The following ACE variants were observed in gnomAD, a reference collection of about 807,000 sequenced individuals.
ACE encodes the protein angiotensin-converting enzyme.
ACE carries 122 observed loss-of-function variants against 162.3 expected under a neutral mutation model. The ratio of observed to expected loss-of-function variants is 0.75; its 90% CI spans 0.65 to 0.87. ACE has a LOEUF of 0.87. ACE is among the 40% of genes least tolerant of loss of function. The pLI is 0.00. For missense variants in ACE, 1,799 were observed against 1,735.1 expected (o/e 1.04, Z -0.65); for synonymous variants, 796 against 720.6 (o/e 1.10, Z -1.68).
rs4364 is a variant in ACE at position 63,497,301 on chromosome 17, C to A, written c.3856C>A (p.Arg1286Ser). 6.3e-3 allele frequency: 9,837 copies of A among 1,550,850 alleles called. 526 individuals are homozygous for A. In the African/African-American group the frequency reaches 0.12, roughly 19 times the overall value. ...LSQRLFSIRHRSLHRHSHGPQ... is the reference protein window; with the variant it reads ...LSQRLFSIRHSSLHRHSHGPQ... ...CCAGCGGCTCTTCAGCATCCGCCAC[C>A]GCAGCCTCCACCGGCACTCCCACGG... Residue 1286 changes from arginine to serine, a missense_variant, in exon 25 of 25, where the codon CGC becomes AGC. By Grantham distance (110) the Arg-to-Ser change is moderately radical. Transcript: ENST00000290866.
chr17:63,496,834 G>C lies in ACE; in HGVS notation c.3540G>C (p.Pro1180=). The change falls in exon 24 of 25, where the codon CCG becomes CCC. Residue 1180 remains proline (P), a synonymous_variant. Coordinates refer to ENST00000290866, the MANE Select transcript of ACE (RefSeq NM_000789.4). The part of the protein sequence containing the change: ...AMKLGFSRPW[P]EAMQLITGQP... The stretch of plus-strand genomic sequence containing the variant: ...AGCTGGGCTTCAGTAGGCCGTGGCC[G>C]GAAGCCATGCAGCTGATCACGGGCC... The C allele has an allele frequency of 6.2e-7, 1 of 1,613,208 alleles. No individual in the cohort carries two copies. Among genetic ancestry groups the C allele is most frequent in the Non-Finnish European group, 8.5e-7 (1 of 1,180,040 alleles).
chr17:63,496,583 G>A, intron 23 of ACE, 67 bp downstream of exon 23: 1 of 1,611,610 alleles, frequency 6.2e-7, no homozygotes, highest in Non-Finnish European at 8.5e-7. Context: ...TGAGGGGTCT[G>A]TCCACTGGAG....
At position 63,497,822 on chromosome 17, in the gene ACE, G is replaced by C. The variant is rs1403982058; in HGVS notation, c.*456G>C. 1 of 345,398 alleles carries C rather than the reference G, an allele frequency of 2.9e-6. No individual in the cohort carries two copies. The highest frequency in any genetic ancestry group is 2.1e-5 in the African/African-American group (1 of 46,778). The allele number at this position is 345,398 out of a possible 1,614,324, so 21.4% of individuals were successfully genotyped here. A position where few individuals can be genotyped will look rare whatever the true frequency, so the allele number is the denominator to read the frequency against. On this transcript the variant is annotated 3_prime_UTR_variant, in exon 25 of 25. Coordinates refer to ENST00000290866, the MANE Select transcript of ACE (RefSeq NM_000789.4). The stretch of plus-strand genomic sequence containing the variant: ...AGCCCAGGCAGCCCGCCACTGTCCT[G>C]CCACCGCAGGCAGCCCCTGTCTGGC...
At chr17:63,486,446 C>T (rs1280514432) in intron 13 of ACE, 111 bp from the exon 14 acceptor site, 2 of 1,220,936 alleles carry the variant, frequency 1.6e-6, no homozygotes, top group African/African-American at 1.5e-5. Context: ...CAACTTAATT[C>T]CACTGCCCCC....
chr17:63,483,917 G>A lies in ACE; in HGVS notation c.1655G>A (p.Gly552Asp), dbSNP rs145152527. ...EALCKEAGYE[G>D]PLHQCDIYRS... ...CTGTGCAAGGAGGCAGGCTATGAGGGCCCACTGCACCAGTGTGACATCTAC... is the reference window on the plus strand; with the variant it reads ...CTGTGCAAGGAGGCAGGCTATGAGGACCCACTGCACCAGTGTGACATCTAC... Residue 552 changes from glycine (G) to aspartate (D), a missense_variant, in exon 11 of 25, where the codon GGC becomes GAC. Coordinates refer to ENST00000290866, the MANE Select transcript of ACE (RefSeq NM_000789.4). 38 of 1,614,138 alleles carry A rather than the reference G, an allele frequency of 2.4e-5. No individual in the cohort carries two copies. The African/African-American group carries it at 4.9e-4, about 21-fold the overall frequency.
At chr17:63,487,148 G>A in intron 15 of ACE, 75 bp downstream of exon 15, 1 of 1,326,476 alleles carries the variant, frequency 7.5e-7, no homozygotes, top group East Asian at 2.3e-5. Context: ...CTGGGTGAGA[G>A]CACAGAGTTG....
rs931141467 is a variant in ACE, at chr17:63,483,757, T to C, written c.1587-92T>C. ...CCCCAAGATAGCTTCTGGTCCAGCCTCTGCCCTGCAGGAAGCTGGATGGTG... is the reference window on the plus strand; with the variant it reads ...CCCCAAGATAGCTTCTGGTCCAGCCCCTGCCCTGCAGGAAGCTGGATGGTG... On this transcript the variant is annotated intron_variant, in intron 10 of 24. Transcript: ENST00000290866. The C allele has an allele frequency of 2.5e-6, 4 of 1,605,342 alleles. No homozygotes were observed. The South Asian group carries it at 3.3e-5, about 13-fold the overall frequency.
In ACE at chr17:63,485,359, C is replaced by A. The variant is rs753705010; in HGVS notation, c.2045C>A (p.Thr682Asn). The A allele has an allele frequency of 2.5e-6, 4 of 1,613,950 alleles. No homozygotes were observed. Among genetic ancestry groups the A allele is most frequent in the African/African-American group, 2.7e-5 (2 of 74,888 alleles). The change falls in exon 13 of 25, where the codon ACC (threonine) becomes AAC (asparagine). Residue 682 changes from threonine (T) to asparagine (N), a missense_variant. Thr to Asn is a moderately conservative substitution (Grantham distance 65). Transcript: ENST00000290866. The part of the protein sequence containing the change: ...WNYNTNITTE[T>N]SKILLQKNMQ... ...TACAACACCAACATCACCACAGAGA[C>A]CAGCAAGATTCTGGTGGGAGCCACC...
intron 5 of ACE, 147 bp from the exon 6 acceptor site, chr17:63,480,944 G>A: frequency 1.3e-6 from 1 of 757,104 alleles, no homozygotes; most frequent in South Asian, 1.5e-5. Context: ...TGGGACTGAT[G>A]TGTGAGATTT....
rs1388880245 is a variant in ACE at position 63,483,059 on chromosome 17, C to T, written c.1373C>T (p.Ala458Val). 2 of 1,614,200 alleles carry T rather than the reference C, an allele frequency of 1.2e-6. No individual in the cohort carries two copies. The highest frequency in any genetic ancestry group is 1.7e-5 in the Admixed American group (1 of 60,024). ...GACATCAATTACTTGCTAAAAATGG[C>T]ACTGGAAAAAATTGCCTTCCTGCCC... ...ESDINYLLKM[A>V]LEKIAFLPFG... The change falls in exon 9 of 25, where the codon GCA becomes GTA. Residue 458 changes from alanine (A) to valine (V), a missense_variant. Ala to Val is a moderately conservative substitution (Grantham distance 64). Coordinates refer to ENST00000290866, the MANE Select transcript of ACE (RefSeq NM_000789.4).
chr17:63,486,051 C>A (rs2029914405), intron 13 of ACE, among the ~76,000 whole-genome samples: 1 of 152,180 alleles, frequency 6.6e-6, no homozygotes. Flanking sequence ...TGTTTGTCTC[C>A]TCTACAAAAG....
In ACE at chr17:63,493,512, A is replaced by T; in HGVS notation, c.2989A>T (p.Met997Leu). ...CGAAATGGGCCACATCCAGTATTTC[A>T]TGCAGTACAAAGACTTACCTGTGGC... ...HHEMGHIQYF[M>L]QYKDLPVALR... Residue 997 changes from methionine to leucine, a missense_variant, in exon 20 of 25, where the codon ATG (methionine) becomes TTG (leucine). Transcript: ENST00000290866. The T allele has an allele frequency of 6.2e-7, 1 of 1,613,982 alleles. No individual in the cohort carries two copies. Among genetic ancestry groups the T allele is most frequent in the South Asian group, 1.1e-5 (1 of 91,078 alleles).
Position 63,477,988 on chromosome 17 carries a change from G to C in ACE, c.307G>C (p.Glu103Gln). The change falls in exon 2 of 25, where the codon GAG becomes CAG. Residue 103 changes from glutamate to glutamine, a missense_variant. Coordinates refer to ENST00000290866, the MANE Select transcript of ACE (RefSeq NM_000789.4). ...FAEAWGQKAK[E>Q]LYEPIWQNFT... ...GGAGGCCTGGGGCCAGAAGGCCAAG[G>C]AGCTGTATGAACCGATCTGGCAGAA... is the stretch of plus-strand genomic sequence containing the variant. 6.2e-7 allele frequency: 1 copy of C among 1,612,312 alleles called. No individual in the cohort carries two copies. Among genetic ancestry groups the C allele is most frequent in the South Asian group, 1.1e-5 (1 of 90,734 alleles).
chr17:63,479,598 T>G (rs947924488), intron 3 of ACE, among the ~76,000 whole-genome samples, 171 bp from the exon 4 acceptor site: 4 of 152,282 alleles, frequency 2.6e-5, no homozygotes, highest in African/African-American at 7.2e-5. Flanking sequence ...TGGGTGTTTC[T>G]GTAGCTCCCA....
At chr17:63,493,024 C>A (rs1008063742) in intron 19 of ACE, among the ~76,000 whole-genome samples, 1 of 152,216 alleles carries the variant, frequency 6.6e-6, no homozygotes, top group Non-Finnish European at 1.5e-5. Flanking sequence ...CCACTCTCAC[C>A]CCTGACAGAA....
Position 63,483,567 on chromosome 17 carries a change from G to GCGGGGGGGGCGGCCCCCCCCCC in ACE, c.1586+10_1586+11insGGGGGGGGCGGCCCCCCCCCCC. On this transcript the variant is annotated intron_variant, in intron 10 of 24. Coordinates refer to ENST00000290866, the MANE Select transcript of ACE (RefSeq NM_000789.4). ...GTGACACCATACATCAGGTATTAGC[G>GCGGGGGGGGCGGCCCCCCCCCC]CCCCCACCCCACCCACCCCCAGTAC... is the stretch of plus-strand genomic sequence containing the variant. 6.3e-7 allele frequency: 1 copy of GCGGGGGGGGCGGCCCCCCCCCC among 1,589,582 alleles called. No homozygotes were observed. The highest frequency in any genetic ancestry group is 8.6e-7 in the Non-Finnish European group (1 of 1,165,688).
At chr17:63,492,100 G>A (rs1206488379) in intron 19 of ACE, among the ~76,000 whole-genome samples, 1 of 152,172 alleles carries the variant, frequency 6.6e-6, no homozygotes, top group African/African-American at 2.4e-5. Context: ...CTCACATGTT[G>A]GGTGCTTGGG....
In ACE at chr17:63,477,128, C is replaced by T; in HGVS notation, c.34C>T (p.Leu12=). The change falls in exon 1 of 25, where the codon CTG becomes TTG. Residue 12 remains leucine (L), a synonymous_variant. Transcript: ENST00000290866. ...GAASGRRGPG[L]LLPLPLLLLL... ...CGCCTCGGGCCGCCGGGGGCCGGGG[C>T]TGCTGCTGCCGCTGCCGCTGCTGTT... 6 of 1,409,322 alleles carry T rather than the reference C, an allele frequency of 4.3e-6. No homozygotes were observed. The highest frequency in any genetic ancestry group is 5.6e-6 in the Non-Finnish European group (6 of 1,080,896). 87.3% of individuals were successfully genotyped at this position (1,409,322 alleles called of 1,614,324 possible). A position where few individuals can be genotyped will look rare whatever the true frequency, so the allele number is the denominator to read the frequency against.
chr17:63,484,109 C>A lies in ACE; in HGVS notation c.1709+138C>A. The A allele has an allele frequency of 1.4e-6, 2 of 1,409,770 alleles. No homozygotes were observed. The highest frequency in any genetic ancestry group is 9.6e-7 in the Non-Finnish European group (1 of 1,045,938). 87.3% of individuals were successfully genotyped at this position (1,409,770 alleles called of 1,614,324 possible). On this transcript the variant is annotated intron_variant, in intron 11 of 24. Coordinates refer to ENST00000290866, the MANE Select transcript of ACE (RefSeq NM_000789.4). This position sits in a 1 kb window ranked among gnomAD's most constrained non-coding sequence, Gnocchi z 4.0. ...GGACTGATGTGGATGCCTGTCTCCTCGCTATGTCATCAAATATTTATTGAG... is the reference window on the plus strand; with the variant it reads ...GGACTGATGTGGATGCCTGTCTCCTAGCTATGTCATCAAATATTTATTGAG...
Sources: gnomAD v4.1 joint callset for allele counts (sites outside exome capture counted in the v4.1 genomes callset) on GRCh38, gnomAD v4.1.1 for gene constraint, Gnocchi (gnomAD v3.1) non-coding constraint, MANE v1.5 for transcripts, NCBI Gene and HGNC (gene_info 2026-07-23, HGNC 2026-07-21) for gene names.